The following MATR3 variants were observed in gnomAD, a reference collection of about 807,000 sequenced individuals.
The protein encoded by MATR3 is matrin-3.
MATR3 carries 4 observed loss-of-function variants against 85.5 expected under a neutral mutation model. That is an observed-to-expected ratio of 0.05 (90% CI 0.02 to 0.11). The LOEUF is 0.11. Among genes scored for constraint, MATR3 ranks in the 10% least tolerant of loss-of-function variants. The probability of loss-of-function intolerance (pLI) is 1.00; values close to 1 mark genes in which losing one functional copy is unlikely to be tolerated. For missense variants in MATR3, 685 were observed against 1,016.1 expected, an observed-to-expected ratio of 0.67 and a Z score of 4.43; for synonymous variants, 336 against 343.1, an observed-to-expected ratio of 0.98 and a Z score of 0.23.
Position 139,317,587 on chromosome 5 carries a change from A to G in MATR3, c.1183-9A>G. On this transcript the variant is annotated splice_polypyrimidine_tract_variant and intron_variant, in intron 6 of 14. Transcript: ENST00000394805. ...CTTAATTGCTTGGTTTTTTTCCCCT[A>G]ATGGATAGGAAACTAGCAGAGTTGT... The G allele has an allele frequency of 1.3e-6, 2 of 1,595,162 alleles. No homozygotes were observed. Among genetic ancestry groups the G allele is most frequent in the Non-Finnish European group, 1.7e-6 (2 of 1,166,250 alleles).
At chr5:139,274,312 C>T in intron 1 of MATR3, 1 of 349,710 alleles carries the variant, frequency 2.9e-6, no homozygotes, top group Non-Finnish European at 5.6e-6. Context: ...GAGACTTGGG[C>T]CTCGGAGTCG....
At chr5:139,322,118 A>T in intron 10 of MATR3, 89 bp downstream of exon 10, 1 of 1,426,936 alleles carries the variant, frequency 7.0e-7, no homozygotes, top group African/African-American at 1.4e-5. Flanking sequence ...TGTATGCTAA[A>T]AATACAGGAT....
chr5:139,293,729 C>T (rs1043816363), upstream of MATR3: 1 of 363,066 alleles, frequency 2.8e-6, no homozygotes, highest in Non-Finnish European at 4.9e-6. Context: ...GCCGTTGCTG[C>T]GGGGGATTGT....
Position 139,331,202 on chromosome 5 carries a change from TATG to T in MATR3, c.*1810_*1812del, listed in dbSNP as rs144802057. The T allele has an allele frequency of 1.7e-3, 782 of 454,184 alleles. 11 individuals are homozygous for T. The highest frequency in any genetic ancestry group is 0.014 in the African/African-American group (724 of 50,144). The allele number at this position is 454,184 out of a possible 1,614,324, so 28.1% of individuals were successfully genotyped here. ...ATACTTCAAATAGTTGGCTAAATTT[TATG>T]ATCTCTCCCGTTGAAAAGTAGGTGA... On this transcript the variant is annotated 3_prime_UTR_variant, in exon 15 of 15. Coordinates refer to ENST00000394805, the MANE Select transcript of MATR3 (RefSeq NM_018834.6).
chr5:139,302,407 A>C (rs566908826), intron 1 of MATR3, among the ~76,000 whole-genome samples: 2 of 152,252 alleles, frequency 1.3e-5, no homozygotes, highest in South Asian at 4.1e-4. Flanking sequence ...ACTTCAAAAA[A>C]ACCCTTAAAT....
intron 1 of MATR3, among the ~76,000 whole-genome samples, chr5:139,303,980 T>G (rs988120324): frequency 6.6e-6 from 1 of 152,156 alleles, no homozygotes; most frequent in Non-Finnish European, 1.5e-5. Flanking sequence ...TCTAGTTCTT[T>G]TAATTGGAGA....
chr5:139,293,917 C>G (rs995649413), intron 1 of MATR3, 112 bp downstream of exon 1: 26 of 1,186,666 alleles, frequency 2.2e-5, no homozygotes, highest in Non-Finnish European at 2.5e-5. Flanking sequence ...GCGCGCCTTT[C>G]TTGCTCGCTC....
intron 1 of MATR3, among the ~76,000 whole-genome samples, chr5:139,300,326 T>A (rs1234897133): frequency 6.6e-6 from 1 of 152,092 alleles, no homozygotes; most frequent in Non-Finnish European, 1.5e-5. Context: ...GATCACGCCA[T>A]TGCACTCCAG....
intron 3 of MATR3, among the ~76,000 whole-genome samples, chr5:139,283,946 C>A (rs1481885299): frequency 1.3e-5 from 2 of 152,192 alleles, no homozygotes; most frequent in African/African-American, 4.8e-5. Context: ...GCTGCCTTCC[C>A]CATCTGGCAA....
At chr5:139,328,903 G>A (rs1333403384) in intron 14 of MATR3, among the ~76,000 whole-genome samples, 2 of 152,090 alleles carry the variant, frequency 1.3e-5, no homozygotes, top group East Asian at 3.9e-4. Context: ...TGCTTGGGAG[G>A]CTGAGGCAGG....
intron 1 of MATR3, among the ~76,000 whole-genome samples, chr5:139,296,112 T>A (rs1754135164): frequency 6.6e-6 from 1 of 152,234 alleles, no homozygotes; most frequent in South Asian, 2.1e-4. Flanking sequence ...ATGGAAAGAC[T>A]GTGCGTACAG....
chr5:139,307,982 T>C lies in MATR3; in HGVS notation c.567T>C (p.Phe189=), dbSNP rs746686089. 5.6e-6 allele frequency: 9 copies of C among 1,614,036 alleles called. No homozygotes were observed. The highest frequency in any genetic ancestry group is 1.6e-4 in the Middle Eastern group (1 of 6,084). Residue 189 remains phenylalanine (F), a synonymous_variant, in exon 2 of 15, where the codon TTT becomes TTC. Transcript: ENST00000394805. This position sits in a 1 kb window ranked among gnomAD's most constrained non-coding sequence, Gnocchi z 4.4. ...AAAGGCACTTTAGAAGAGATAGTTT[T>C]GATGATCGTGGTCCTAGTCTCAACC... ...EEKRHFRRDS[F]DDRGPSLNPV... is the part of the protein sequence containing the mutation.
intron 14 of MATR3, among the ~76,000 whole-genome samples, chr5:139,327,957 G>A (rs1755943801): frequency 6.6e-6 from 1 of 151,940 alleles, no homozygotes; most frequent in Non-Finnish European, 1.5e-5. Context: ...TGCGTCCCGG[G>A]TTCAAGCAAT....
intron 3 of MATR3, chr5:139,283,451 C>T (rs1028091089): frequency 6.6e-6 from 1 of 152,264 alleles, no homozygotes; most frequent in African/African-American, 2.4e-5. Context: ...CCAGCCTCTG[C>T]TACCTCTAAC....
Position 139,331,174 on chromosome 5 carries a change from A to T in MATR3, c.*1779A>T. The T allele has an allele frequency of 2.2e-6, 1 of 454,148 alleles. No individual in the cohort carries two copies. The highest frequency in any genetic ancestry group is 4.4e-6 in the Non-Finnish European group (1 of 226,790). The allele number at this position is 454,148 out of a possible 1,614,324, so 28.1% of individuals were successfully genotyped here. A position where few individuals can be genotyped will look rare whatever the true frequency, so the allele number is the denominator to read the frequency against. The stretch of plus-strand genomic sequence containing the variant: ...AAATGTTCAGACCCCAGTTTATTAA[A>T]GGATACTTCAAATAGTTGGCTAAAT... On this transcript the variant is annotated 3_prime_UTR_variant, in exon 15 of 15. Coordinates refer to ENST00000394805, the MANE Select transcript of MATR3 (RefSeq NM_018834.6).
Position 139,325,584 on chromosome 5 carries a change from C to A in MATR3, c.2293C>A (p.Gln765Lys). The A allele has an allele frequency of 6.2e-7, 1 of 1,614,122 alleles. No homozygotes were observed. Among genetic ancestry groups the A allele is most frequent in the South Asian group, 1.1e-5 (1 of 91,064 alleles). Residue 765 changes from glutamine to lysine, a missense_variant, in exon 13 of 15, where the codon CAA becomes AAA. This residue lies in a region of MATR3 where 215 missense variants were observed against 194.7 expected (regional missense o/e 1.10). Transcript: ENST00000394805. ...NKDTSENADG[Q>K]SDENKDDYTI... Reference sequence around the variant, plus strand: ...AGATACAAGTGAAAACGCAGATGGTCAAAGTGATGAGAACAAGGACGACTA... The same window carrying A: ...AGATACAAGTGAAAACGCAGATGGTAAAAGTGATGAGAACAAGGACGACTA...
intron 2 of MATR3, 59 bp from the exon 3 acceptor site, chr5:139,314,616 T>C: frequency 7.2e-7 from 1 of 1,393,278 alleles, no homozygotes; most frequent in Non-Finnish European, 1.0e-6. Flanking sequence ...GTTTGAATGG[T>C]TCAGATGAAA....
chr5:139,327,853 ATATTT>A (rs1755937885), intron 14 of MATR3, among the ~76,000 whole-genome samples: 1 of 151,730 alleles, frequency 6.6e-6, no homozygotes, highest in African/African-American at 2.4e-5. Flanking sequence ...TTATTTCCTT[ATATTT>A]TATTTATTTT....
intron 1 of MATR3, among the ~76,000 whole-genome samples, chr5:139,297,757 A>G (rs956805958): frequency 6.6e-6 from 1 of 152,188 alleles, no homozygotes; most frequent in Non-Finnish European, 1.5e-5. Context: ...GCTCTTTGGA[A>G]GTGGAAAATA....
Sources: gnomAD v4.1 joint callset for allele counts (sites outside exome capture counted in the v4.1 genomes callset) on GRCh38, gnomAD v4.1.1 for gene constraint, gnomAD v4.1.1 regional missense constraint, Gnocchi (gnomAD v3.1) non-coding constraint, MANE v1.5 for transcripts, NCBI Gene and HGNC (gene_info 2026-07-23, HGNC 2026-07-21) for gene names.